Variants in LIMS2 observed in about 807,000 individuals in gnomAD.
The protein encoded by LIMS2 is LIM zinc finger domain containing 2.
In LIMS2, 30 loss-of-function variants were observed where a neutral mutation model predicts 45.3. The observed-to-expected ratio is 0.66, with a 90% CI of 0.50 to 0.90. The LOEUF is 0.90. Among genes scored for constraint, LIMS2 ranks in the 40% least tolerant of loss-of-function variants. LIMS2 has a pLI of 0.00. For synonymous variants in LIMS2, 173 were observed against 188.0 expected (o/e 0.92, Z 0.65); for missense variants, 485 against 468.7 (o/e 1.03, Z -0.32).
chr2:127,650,088 A>G (rs2105266203), intron 4 of LIMS2: 2 of 1,598,800 alleles, frequency 1.3e-6, no homozygotes, highest in Non-Finnish European at 1.7e-6. Context: ...GGGTAAAAAG[A>G]GTAGACCTCT....
intron 1 of LIMS2, chr2:127,674,504 A>C: frequency 3.9e-6 from 2 of 512,290 alleles, no homozygotes; most frequent in Non-Finnish European, 5.0e-6. Flanking sequence ...ACCCCTGCAC[A>C]GCTGGTGCTT....
At chr2:127,648,713 G>A (rs1683264057) in intron 4 of LIMS2, among the ~76,000 whole-genome samples, 1 of 151,978 alleles carries the variant, frequency 6.6e-6, no homozygotes, top group Non-Finnish European at 1.5e-5. Flanking sequence ...CTTGAGCCCA[G>A]GAGTTTGAGA....
intron 4 of LIMS2, chr2:127,651,771 C>G: frequency 1.2e-6 from 2 of 1,607,030 alleles, no homozygotes; most frequent in Non-Finnish European, 1.7e-6. Flanking sequence ...GGGCGCCGTC[C>G]AGGCCGAGCG....
chr2:127,656,556 G>T (rs1030672093), intron 2 of LIMS2, among the ~76,000 whole-genome samples: 1 of 151,968 alleles, frequency 6.6e-6, no homozygotes, highest in Admixed American at 6.5e-5. Flanking sequence ...TGGGATTACA[G>T]GCACCTGCCA....
At chr2:127,650,951 T>C in intron 4 of LIMS2, 1 of 1,613,964 alleles carries the variant, frequency 6.2e-7, no homozygotes, top group Non-Finnish European at 8.5e-7. Flanking sequence ...TCCTGATGCA[T>C]CTGGCCGTGG....
At chr2:127,643,299 C>T (rs1682622489) in intron 4 of LIMS2, 2 of 586,526 alleles carry the variant, frequency 3.4e-6, no homozygotes, top group East Asian at 3.1e-5. Flanking sequence ...CCAGAATGCT[C>T]GAGGTTACTG....
intron 1 of LIMS2, among the ~76,000 whole-genome samples, chr2:127,669,557 T>C (rs183648102): frequency 1.1e-4 from 16 of 150,080 alleles, no homozygotes; most frequent in East Asian, 9.8e-4. Context: ...CTACTAAAAA[T>C]ACAAAAAAAA....
intron 4 of LIMS2, chr2:127,649,887 T>C (rs1483487951): frequency 6.4e-6 from 5 of 780,368 alleles, no homozygotes; most frequent in Non-Finnish European, 8.4e-6. Flanking sequence ...GTAAAATGGG[T>C]CTTCCCCTCC....
intron 1 of LIMS2, chr2:127,673,760 T>A: frequency 6.5e-7 from 1 of 1,550,364 alleles, no homozygotes; most frequent in Non-Finnish European, 8.7e-7. Context: ...AACAGGAGAG[T>A]GAGAACCAGC....
rs555166825 is a variant in LIMS2, at chr2:127,639,828, G to A, written c.878+242C>T. ...CTCCCCAGAGCCCAGGGTTCTGGCA[G>A]GTGTGTTGGAGGCATGAGTGTTCCT... On this transcript the variant is annotated intron_variant, in intron 9 of 9. Coordinates refer to ENST00000355119, the MANE Select transcript of LIMS2 (RefSeq NM_001161403.3). Among the ~76,000 whole-genome samples, 2 of 152,314 alleles carry A rather than the reference G, an allele frequency of 1.3e-5. 1 individual carries two copies. Among genetic ancestry groups the A allele is most frequent in the African/African-American group, 4.8e-5 (2 of 41,572 alleles).
In LIMS2 at chr2:127,642,920, T is replaced by A. The variant is rs746495081; in HGVS notation, c.509+3A>T. The A allele has an allele frequency of 6.5e-5, 102 of 1,559,850 alleles. No homozygotes were observed. Among genetic ancestry groups the A allele is most frequent in the Non-Finnish European group, 8.8e-5 (101 of 1,152,108 alleles). ...CAACTGCAGGGCCGGGCTGCGCACC[T>A]ACCCACAGTGGGTGCAGTTGAAGTG... On this transcript the variant is annotated splice_donor_region_variant and intron_variant, in intron 5 of 9. Coordinates refer to ENST00000355119, the MANE Select transcript of LIMS2 (RefSeq NM_001161403.3). This position sits in a 1 kb window ranked among gnomAD's most constrained non-coding sequence, Gnocchi z 5.3.
At chr2:127,651,200 G>C in intron 4 of LIMS2, 1 of 1,610,604 alleles carries the variant, frequency 6.2e-7, no homozygotes, top group Non-Finnish European at 8.5e-7. Context: ...GTGCCTTCCT[G>C]TGGGTGGTGG....
intron 1 of LIMS2, among the ~76,000 whole-genome samples, chr2:127,665,644 C>T (rs1296652406): frequency 6.6e-6 from 1 of 152,238 alleles, no homozygotes; most frequent in African/African-American, 2.4e-5. Flanking sequence ...ATACCGCTGA[C>T]TCTCTGATGT....
upstream of LIMS2, among the ~76,000 whole-genome samples, chr2:127,678,986 G>A (rs1685559028): frequency 6.6e-6 from 1 of 152,192 alleles, no homozygotes; most frequent in African/African-American, 2.4e-5. The surrounding 1 kb of genome is among the most constrained non-coding windows in gnomAD (Gnocchi z 5.3). Flanking sequence ...CCAAGGGTAA[G>A]AGGTGGGACT....
At chr2:127,679,028 T>G (rs2105353705), upstream of LIMS2, among the ~76,000 whole-genome samples, 1 of 151,882 alleles carries the variant, frequency 6.6e-6, no homozygotes, top group East Asian at 1.9e-4. The surrounding 1 kb of genome is among the most constrained non-coding windows in gnomAD (Gnocchi z 5.3). Context: ...CAGGAGAGTG[T>G]GAGGTGCCAC....
At chr2:127,680,167 A>G (rs908666481), upstream of LIMS2, among the ~76,000 whole-genome samples, 1 of 152,216 alleles carries the variant, frequency 6.6e-6, no homozygotes, top group African/African-American at 2.4e-5. Flanking sequence ...GCGGGGAAGC[A>G]CCTGCACAGC....
chr2:127,661,631 G>A (rs1558895690), intron 1 of LIMS2, among the ~76,000 whole-genome samples: 2 of 152,222 alleles, frequency 1.3e-5, no homozygotes, highest in Non-Finnish European at 1.5e-5. Flanking sequence ...CAGCCTGGAA[G>A]CCAAACCCCA....
chr2:127,651,089 C>T (rs1350618637), intron 4 of LIMS2: 4 of 1,613,730 alleles, frequency 2.5e-6, no homozygotes, highest in Admixed American at 1.7e-5. Context: ...TGTACGCCAG[C>T]ATCTACTTCC....
At chr2:127,645,028 G>T (rs528659790) in intron 4 of LIMS2, among the ~76,000 whole-genome samples, 2 of 152,312 alleles carry the variant, frequency 1.3e-5, no homozygotes, top group East Asian at 3.9e-4. Context: ...GTTGAATTAG[G>T]ATCAAATCTA....
Sources: allele counts gnomAD v4.1 joint callset (sites outside exome capture counted in the v4.1 genomes callset), GRCh38; gene constraint gnomAD v4.1.1; non-coding constraint Gnocchi (gnomAD v3.1); transcripts MANE v1.5; gene names NCBI Gene and HGNC (gene_info 2026-07-23, HGNC 2026-07-21).